Variants in KIAA1217 observed in about 807,000 individuals in gnomAD.
The protein encoded by KIAA1217 is KIAA1217.
A neutral mutation model predicts 163.9 loss-of-function variants in KIAA1217; 88 were observed. That is an observed-to-expected ratio of 0.54 (90% confidence interval 0.45 to 0.64). The LOEUF (loss-of-function observed/expected upper bound fraction) is 0.64. Among genes scored for constraint, KIAA1217 ranks in the 30% least tolerant of loss-of-function variants. The pLI is 0.00. For missense variants in KIAA1217, 2,372 were observed against 2,475.0 expected, an observed-to-expected ratio of 0.96 and a Z score of 0.88; for synonymous variants, 903 against 923.1, an observed-to-expected ratio of 0.98 and a Z score of 0.39.
At chr10:23,993,553 C>CTTTTTTTTTTTT (rs200437343) in intron 1 of KIAA1217, among the ~76,000 whole-genome samples, 723 of 68,886 alleles carry the variant, frequency 0.01, 127 homozygotes, top group Non-Finnish European at 0.014. Flanking sequence ...CATAGCCCAG[C>CTTTTTTTTTTTT]TTTTTTTTTT....
At chr10:24,384,506 C>G (rs7070358) in intron 3 of KIAA1217, among the ~76,000 whole-genome samples, 78,431 of 151,950 alleles carry the variant, frequency 0.52, 22,816 homozygotes, top group African/African-American at 0.8. Flanking sequence ...TTCACTCTTG[C>G]TGTTGTACAT....
At position 24,513,367 on chromosome 10, in the gene KIAA1217, C is replaced by A. The variant is rs764228256; in HGVS notation, c.2110C>A (p.Arg704Ser). ...KRLEDPVQRQRVLVEQERQKY... is the reference protein window; with the variant it reads ...KRLEDPVQRQSVLVEQERQKY... The stretch of plus-strand genomic sequence containing the variant: ...ACTGGAGGATCCCGTGCAGCGACAG[C>A]GCGTCCTAGTGGAGCAAGAGAGACA... Residue 704 changes from arginine (R) to serine (S), a missense_variant, in exon 10 of 21, where the codon CGC becomes AGC. Arg to Ser is a moderately radical substitution (Grantham distance 110). Coordinates refer to ENST00000376454, the MANE Select transcript of KIAA1217 (RefSeq NM_019590.5). 11 of 1,614,140 alleles carry A rather than the reference C, an allele frequency of 6.8e-6. No homozygotes were observed. Among genetic ancestry groups the A allele is most frequent in the Non-Finnish European group, 9.3e-6 (11 of 1,180,014 alleles).
At chr10:24,273,078 A>G (rs1255467388) in intron 2 of KIAA1217, among the ~76,000 whole-genome samples, 2 of 152,200 alleles carry the variant, frequency 1.3e-5, no homozygotes, top group African/African-American at 4.8e-5. Context: ...TTTTTAGTTA[A>G]TTTTAGCAAC....
intron 1 of KIAA1217, among the ~76,000 whole-genome samples, chr10:23,749,574 A>AT (rs1839623120): frequency 2.0e-5 from 3 of 152,148 alleles, no homozygotes; most frequent in African/African-American, 4.8e-5. Flanking sequence ...TGCCCAGCTG[A>AT]TTTTTGTATT....
At chr10:24,225,595 A>C (rs1380043449) in intron 2 of KIAA1217, among the ~76,000 whole-genome samples, 5 of 152,332 alleles carry the variant, frequency 3.3e-5, no homozygotes, top group Non-Finnish European at 1.5e-5. Context: ...CTACCATGGT[A>C]AAGGTATTTG....
intron 1 of KIAA1217, among the ~76,000 whole-genome samples, chr10:23,783,179 T>G (rs1393940883): frequency 6.6e-6 from 1 of 151,502 alleles, no homozygotes; most frequent in Non-Finnish European, 1.5e-5. Context: ...AGACTAAGGA[T>G]AGCTGATGAG....
chr10:24,352,811 A>T (rs1234204420), intron 2 of KIAA1217, among the ~76,000 whole-genome samples: 3 of 152,142 alleles, frequency 2.0e-5, no homozygotes, highest in African/African-American at 7.2e-5. Context: ...CCATGGAGAA[A>T]ATAATCTGAA....
At chr10:24,433,320 TTTTTTG>T in intron 4 of KIAA1217, 127 bp downstream of exon 4, 1 of 644,658 alleles carries the variant, frequency 1.6e-6, no homozygotes. Context: ...TTGTTTTTTG[TTTTTTG>T]TTTTTTGTTT....
At position 23,695,473 on chromosome 10, in the gene KIAA1217, T is replaced by G. The variant is rs1467820760; in HGVS notation, c.-321+239T>G. ...AAGACCCCCAACTGGGAGGAGGGAC[T>G]GGAGAGGAACCGGACCCCGGGGATC... is the stretch of plus-strand genomic sequence containing the variant. On this transcript the variant is annotated intron_variant, in intron 1 of 18. Transcript: ENST00000376462. The surrounding 1 kb of genome is among the most constrained non-coding windows in gnomAD (Gnocchi z 4.9). Among the ~76,000 whole-genome samples the G allele has an allele frequency of 6.6e-6, 1 of 151,958 alleles. No individual in the cohort carries two copies. Among genetic ancestry groups the G allele is most frequent in the Non-Finnish European group, 1.5e-5 (1 of 67,966 alleles).
At chr10:23,939,751 T>C (rs1843678015) in intron 1 of KIAA1217, among the ~76,000 whole-genome samples, 1 of 151,564 alleles carries the variant, frequency 6.6e-6, no homozygotes, top group African/African-American at 2.4e-5. Flanking sequence ...TAAACAAGAC[T>C]TCAACTAAAT....
At chr10:24,078,935 C>T (rs184259891) in intron 2 of KIAA1217, among the ~76,000 whole-genome samples, 2 of 152,330 alleles carry the variant, frequency 1.3e-5, no homozygotes, top group Non-Finnish European at 2.9e-5. Flanking sequence ...CTCGTTAAAA[C>T]ACCCTGATTT....
intron 1 of KIAA1217, among the ~76,000 whole-genome samples, chr10:23,807,287 T>A (rs765272751): frequency 1.3e-5 from 2 of 152,262 alleles, no homozygotes; most frequent in Non-Finnish European, 2.9e-5. Flanking sequence ...CTGCCATCAT[T>A]TAGCACTTTC....
At chr10:23,952,720 C>A (rs956169825) in intron 1 of KIAA1217, among the ~76,000 whole-genome samples, 1 of 152,134 alleles carries the variant, frequency 6.6e-6, no homozygotes, top group Admixed American at 6.5e-5. Flanking sequence ...TGTGTTGTTA[C>A]AAGGAACAAA....
intron 2 of KIAA1217, among the ~76,000 whole-genome samples, chr10:24,070,665 T>C (rs1275403900): frequency 6.6e-6 from 1 of 152,224 alleles, no homozygotes; most frequent in Non-Finnish European, 1.5e-5. Flanking sequence ...CTGATAGTTG[T>C]AACCTATTTT....
chr10:24,544,510 A>G, intron 19 of KIAA1217, 29 bp downstream of exon 19: 4 of 1,567,844 alleles, frequency 2.6e-6, no homozygotes, highest in Non-Finnish European at 3.5e-6. Context: ...AAATGAAAAG[A>G]CCCAGCTGCT....
chr10:23,702,164 A>T, intron 1 of KIAA1217, among the ~76,000 whole-genome samples: 1 of 152,158 alleles, frequency 6.6e-6, no homozygotes. Context: ...CATATCTATG[A>T]GAAATTCATT....
intron 1 of KIAA1217, among the ~76,000 whole-genome samples, chr10:23,884,975 C>A (rs1841109548): frequency 6.6e-6 from 1 of 151,834 alleles, no homozygotes; most frequent in Non-Finnish European, 1.5e-5. Flanking sequence ...AGTGGGTCTG[C>A]CACCTTTCCT....
At chr10:23,776,788 C>A (rs917595683) in intron 1 of KIAA1217, among the ~76,000 whole-genome samples, 6 of 146,558 alleles carry the variant, frequency 4.1e-5, no homozygotes, top group Non-Finnish European at 7.4e-5. Flanking sequence ...TCAAACAATT[C>A]TTGTGCCTCA....
intron 1 of KIAA1217, among the ~76,000 whole-genome samples, chr10:23,736,493 A>G (rs1320948823): frequency 1.3e-5 from 2 of 152,142 alleles, no homozygotes; most frequent in Non-Finnish European, 2.9e-5. Flanking sequence ...CACTATGGTA[A>G]TTAATCACTA....
Sources: allele counts gnomAD v4.1 joint callset (sites outside exome capture counted in the v4.1 genomes callset), GRCh38; gene constraint gnomAD v4.1.1; non-coding constraint Gnocchi (gnomAD v3.1); transcripts MANE v1.5; gene names NCBI Gene and HGNC (gene_info 2026-07-23, HGNC 2026-07-21).